RGS7: variants seen among roughly 807,000 people sequenced by gnomAD.
RGS7 encodes the protein regulator of G-protein signaling 7.
RGS7 carries 27 observed loss-of-function variants against 81.1 expected under a neutral mutation model. The ratio of observed to expected loss-of-function variants is 0.33; its 90% CI spans 0.25 to 0.46. RGS7 has a LOEUF of 0.46. Ranked by LOEUF, RGS7 falls within the 20% of genes least tolerant of loss-of-function variation. RGS7 has a pLI of 1.00. For synonymous variants in RGS7, 208 were observed against 207.7 expected, an observed-to-expected ratio of 1.00 and a Z score of -0.01; for missense variants, 396 against 607.4, an observed-to-expected ratio of 0.65 and a Z score of 3.66.
intron 6 of RGS7, among the ~76,000 whole-genome samples, chr1:240,905,373 T>C (rs949663167): frequency 2.0e-5 from 3 of 152,048 alleles, no homozygotes; most frequent in Non-Finnish European, 2.9e-5. Context: ...ATACAGAGAA[T>C]AGAAGAACCA....
chr1:240,826,411 C>T (rs772374908), intron 10 of RGS7, among the ~76,000 whole-genome samples: 6 of 152,128 alleles, frequency 3.9e-5, no homozygotes, highest in Non-Finnish European at 7.4e-5. Flanking sequence ...CGATGGCTAA[C>T]GAAATACTAA....
intron 3 of RGS7, among the ~76,000 whole-genome samples, chr1:240,987,453 A>G (rs1481336777): frequency 6.6e-6 from 1 of 152,184 alleles, no homozygotes; most frequent in African/African-American, 2.4e-5. Context: ...CACAGTGCTG[A>G]CAATACAAAT....
chr1:241,232,496 T>C (rs1457158295), intron 2 of RGS7, among the ~76,000 whole-genome samples: 3 of 152,166 alleles, frequency 2.0e-5, no homozygotes, highest in Non-Finnish European at 2.9e-5. Flanking sequence ...TGTGAGCCAC[T>C]GCACTGGGCT....
intron 2 of RGS7, among the ~76,000 whole-genome samples, chr1:241,328,299 T>C (rs2081742209): frequency 6.6e-6 from 1 of 152,320 alleles, no homozygotes; most frequent in African/African-American, 2.4e-5. Context: ...GAAAGTTTTA[T>C]CTCCACATAT....
intron 6 of RGS7, among the ~76,000 whole-genome samples, chr1:240,914,445 G>T (rs1245686003): frequency 2.0e-5 from 3 of 152,038 alleles, no homozygotes; most frequent in Non-Finnish European, 4.4e-5. Context: ...CCCCAAAAGA[G>T]ACATTTTCCA....
At chr1:240,866,897 G>A (rs939337984) in intron 9 of RGS7, among the ~76,000 whole-genome samples, 22 of 152,080 alleles carry the variant, frequency 1.4e-4, no homozygotes, top group Non-Finnish European at 7.3e-5. Context: ...GTTGCCAGGA[G>A]GATCCAGGTC....
chr1:241,329,433 C>T (rs1183877927), intron 2 of RGS7, among the ~76,000 whole-genome samples: 1 of 152,014 alleles, frequency 6.6e-6, no homozygotes, highest in African/African-American at 2.4e-5. Flanking sequence ...CTTTAGAGCC[C>T]AGTTATACTG....
At chr1:241,172,001 A>G (rs1303145841) in intron 2 of RGS7, among the ~76,000 whole-genome samples, 2 of 152,220 alleles carry the variant, frequency 1.3e-5, no homozygotes, top group Non-Finnish European at 2.9e-5. Context: ...CGACCCAAAA[A>G]GAAGAGCATT....
chr1:241,063,207 A>G (rs1355109112), intron 3 of RGS7, among the ~76,000 whole-genome samples: 5 of 152,220 alleles, frequency 3.3e-5, no homozygotes. Flanking sequence ...GACAGTAGTT[A>G]CCACTGGGAT....
At chr1:241,224,248 C>A (rs985372948) in intron 2 of RGS7, among the ~76,000 whole-genome samples, 1 of 131,052 alleles carries the variant, frequency 7.6e-6, no homozygotes, top group Admixed American at 8.1e-5. Context: ...CACCTCCCAG[C>A]CCCCCACCCC....
intron 3 of RGS7, among the ~76,000 whole-genome samples, chr1:241,076,743 T>A (rs577715729): frequency 5.3e-4 from 81 of 152,340 alleles, no homozygotes; most frequent in Non-Finnish European, 8.5e-4. Flanking sequence ...GATTTCTGTT[T>A]ACATTCTGAT....
At chr1:240,843,317 A>G (rs549950272) in intron 9 of RGS7, among the ~76,000 whole-genome samples, 2 of 151,648 alleles carry the variant, frequency 1.3e-5, no homozygotes, top group Admixed American at 1.3e-4. Context: ...CCAGGCTGCA[A>G]TGCAGTGGTG....
chr1:241,030,373 T>TATATACACAC (rs374223475), intron 3 of RGS7, among the ~76,000 whole-genome samples: 1 of 135,186 alleles, frequency 7.4e-6, no homozygotes, highest in African/African-American at 2.8e-5. Flanking sequence ...TATATATATA[T>TATATACACAC]ACATACACAC....
In RGS7 at chr1:241,055,201, A is replaced by G. The variant is rs543852859; in HGVS notation, c.175+43465T>C. On this transcript the variant is annotated intron_variant, in intron 3 of 18. Coordinates refer to ENST00000440928, the MANE Select transcript of RGS7 (RefSeq NM_001364886.1). ...GCAGACATCAGTTGGATGTCCTTTC[A>G]ATTCGGACACTATCTACCCGGTGGT... 1.8e-4 allele frequency among the ~76,000 whole-genome samples: 27 copies of G among 152,298 alleles called. 1 individual carries two copies. The highest frequency in any genetic ancestry group is 9.8e-4 in the Admixed American group (15 of 15,290).
intron 2 of RGS7, among the ~76,000 whole-genome samples, chr1:241,126,153 T>TATC (rs1200792157): frequency 2.0e-5 from 3 of 151,682 alleles, no homozygotes; most frequent in African/African-American, 7.3e-5. Context: ...TATTTATTAT[T>TATC]ATTATTATTA....
At chr1:240,791,126 C>A (rs952072199) in intron 18 of RGS7, among the ~76,000 whole-genome samples, 1 of 152,024 alleles carries the variant, frequency 6.6e-6, no homozygotes, top group African/African-American at 2.4e-5. Flanking sequence ...TTTTTTCCCC[C>A]AGGAATAATA....
intron 3 of RGS7, among the ~76,000 whole-genome samples, chr1:241,098,137 A>G (rs77375100): frequency 0.033 from 5,095 of 152,302 alleles, 115 homozygotes; most frequent in Middle Eastern, 0.11. Context: ...CCCTTTTATC[A>G]GAATTAGATT....
chr1:241,352,646 T>C (rs2083317192), intron 2 of RGS7, among the ~76,000 whole-genome samples: 1 of 152,236 alleles, frequency 6.6e-6, no homozygotes. Context: ...CCATCACCTG[T>C]ACCCTTCAAT....
intron 2 of RGS7, among the ~76,000 whole-genome samples, chr1:241,304,132 C>T (rs1296817990): frequency 4.6e-5 from 7 of 152,206 alleles, no homozygotes; most frequent in East Asian, 1.9e-4. Context: ...GATTTTGCTA[C>T]GTTGCCCAGC....
Sources: allele counts gnomAD v4.1 joint callset (sites outside exome capture counted in the v4.1 genomes callset), GRCh38; gene constraint gnomAD v4.1.1; transcripts MANE v1.5; gene names NCBI Gene and HGNC (gene_info 2026-07-23, HGNC 2026-07-21).